The following CDH23 variants were observed in gnomAD, a reference collection of about 807,000 sequenced individuals.
CDH23 encodes cadherin-23.
Under a neutral mutation model 317.1 loss-of-function variants are expected in CDH23, and 189 were observed. That is an observed-to-expected ratio of 0.60 (90% CI 0.53 to 0.67). The LOEUF (loss-of-function observed/expected upper bound fraction) is 0.67. Among genes scored for constraint, CDH23 ranks in the 30% least tolerant of loss-of-function variants. The pLI, the probability that CDH23 is intolerant of heterozygous loss-of-function variation, is 0.00. For missense variants in CDH23, 4,401 were observed against 4,592.4 expected (o/e 0.96, Z 1.20); for synonymous variants, 1,839 against 1,876.8 (o/e 0.98, Z 0.52).
chr10:71,446,480 G>A (rs1372425104), intron 3 of CDH23, 85 bp downstream of exon 3: 23 of 1,344,530 alleles, frequency 1.7e-5, no homozygotes, highest in Non-Finnish European at 2.4e-5. Context: ...TACAGGTTGA[G>A]GTCATCTTCC....
chr10:71,730,683 C>T (rs906162544), intron 31 of CDH23, 79 bp downstream of exon 31: 13 of 1,573,812 alleles, frequency 8.3e-6, no homozygotes, highest in Middle Eastern at 2.0e-4. Context: ...TCCTTCGAAA[C>T]GGTCATCCCT....
At chr10:71,578,016 C>T in intron 9 of CDH23, 24 bp downstream of exon 9, 1 of 1,568,328 alleles carries the variant, frequency 6.4e-7, no homozygotes, top group Non-Finnish European at 8.7e-7. Context: ...CTGCCCCTCT[C>T]TCCTCTCACC....
chr10:71,703,630 T>C (rs1865672809), intron 24 of CDH23, among the ~76,000 whole-genome samples: 1 of 152,108 alleles, frequency 6.6e-6, no homozygotes, highest in South Asian at 2.1e-4. Context: ...TAGAAGAAGA[T>C]GGGGTTGTTT....
At chr10:71,744,791 T>C (rs1009905764) in intron 38 of CDH23, among the ~76,000 whole-genome samples, 10 of 152,168 alleles carry the variant, frequency 6.6e-5, no homozygotes, top group Non-Finnish European at 1.5e-4. Flanking sequence ...AGGCCATCCA[T>C]CTCCAGGGGA....
intron 6 of CDH23, among the ~76,000 whole-genome samples, chr10:71,552,687 G>A (rs981228823): frequency 2.0e-5 from 3 of 152,178 alleles, no homozygotes; most frequent in Non-Finnish European, 4.4e-5. Context: ...AAGGGAGTGC[G>A]GAGTGATGTG....
At chr10:71,557,087 C>A (rs1385175297) in intron 6 of CDH23, among the ~76,000 whole-genome samples, 4 of 152,214 alleles carry the variant, frequency 2.6e-5, no homozygotes, top group African/African-American at 4.8e-5. Flanking sequence ...TCTTAACATT[C>A]ACTATCCATC....
chr10:71,807,985 T>C lies in CDH23; in HGVS notation c.8700T>C (p.Asp2900=). Residue 2900 remains aspartate, a synonymous_variant, in exon 60 of 70, where the codon GAT becomes GAC. Coordinates refer to ENST00000224721, the MANE Select transcript of CDH23 (RefSeq NM_022124.6). ...GGGCCCTTGCCAACGACTCTGAAGA[T>C]GTGGGCCAGGTCTTCACCATGGGTA... ...YFRALANDSE[D]VGQVFTMGSM... The C allele has an allele frequency of 6.3e-7, 1 of 1,593,404 alleles. No individual in the cohort carries two copies. Among genetic ancestry groups the C allele is most frequent in the Non-Finnish European group, 8.6e-7 (1 of 1,169,456 alleles).
At chr10:71,546,196 C>T (rs1856269865) in intron 6 of CDH23, among the ~76,000 whole-genome samples, 2 of 152,158 alleles carry the variant, frequency 1.3e-5, no homozygotes, top group African/African-American at 4.8e-5. Flanking sequence ...TGGTCATGGT[C>T]TCCTTACCAA....
At chr10:71,520,091 A>T (rs1854581025) in intron 6 of CDH23, among the ~76,000 whole-genome samples, 1 of 152,196 alleles carries the variant, frequency 6.6e-6, no homozygotes, top group East Asian at 1.9e-4. Flanking sequence ...CACAGGCATG[A>T]GCCCTCTCGC....
Position 71,805,893 on chromosome 10 carries a change from A to G in CDH23, c.7960A>G (p.Lys2654Glu). The change falls in exon 56 of 70, where the codon AAG becomes GAG. Residue 2654 changes from lysine to glutamate, a missense_variant. By Grantham distance (56) the Lys-to-Glu change is moderately conservative (BLOSUM62 1). Transcript: ENST00000224721. ...LNGAVRYSFLKTAGNRDWEFF... is the reference protein window; with the variant it reads ...LNGAVRYSFLETAGNRDWEFF... ...CGGGGCGGTGCGCTACAGCTTCCTG[A>G]AGACTGCGGGCAACCGGGACTGGGA... 6.2e-7 allele frequency: 1 copy of G among 1,613,786 alleles called. No individual in the cohort carries two copies. The highest frequency in any genetic ancestry group is 1.1e-5 in the South Asian group (1 of 91,006).
intron 14 of CDH23, among the ~76,000 whole-genome samples, chr10:71,664,773 C>T (rs1240254511): frequency 6.6e-6 from 1 of 152,150 alleles, no homozygotes; most frequent in Non-Finnish European, 1.5e-5. Context: ...GCAGATATTA[C>T]TGTGATTACT....
In CDH23 at chr10:71,805,842, GC is replaced by G; in HGVS notation, c.7911del (p.Thr2638ArgfsTer16). The G allele has an allele frequency of 1.2e-6, 2 of 1,613,750 alleles. No homozygotes were observed. Among genetic ancestry groups the G allele is most frequent in the Non-Finnish European group, 1.7e-6 (2 of 1,179,830 alleles). ...PLRSNVYEVYATDKDEGLNGA... is the reference protein window; with the variant it reads ...PLRSNVYEVYXTDKDEGLNGA... ...GCGCTCCAACGTGTACGAGGTCTAC[GC>G]CACGGACAAGGATGAGGGCCTCAAC... On this transcript the variant is annotated frameshift_variant, in exon 56 of 70. Transcript: ENST00000224721. LOFTEE classifies it high-confidence loss of function.
rs531431951 is a variant in CDH23 at position 71,473,215 on chromosome 10, G to A, written c.145+26820G>A. Among the ~76,000 whole-genome samples the A allele has an allele frequency of 3.7e-4, 56 of 152,356 alleles. 2 individuals carry two copies. The South Asian group carries it at 0.01, about 28-fold the overall frequency. On this transcript the variant is annotated intron_variant, in intron 3 of 69. Coordinates refer to ENST00000224721, the MANE Select transcript of CDH23 (RefSeq NM_022124.6). ...CTCCCGGAGTCTTCCCTACTGGAGA[G>A]GCGGTGTTCTGGAATACAGAGCCTG...
chr10:71,644,024 G>C (rs1427145356), intron 12 of CDH23, among the ~76,000 whole-genome samples, 158 bp downstream of exon 12: 1 of 152,244 alleles, frequency 6.6e-6, no homozygotes, highest in Admixed American at 6.5e-5. Flanking sequence ...GGAAGGAGAG[G>C]AGTTGGTGTC....
chr10:71,647,096 C>T, intron 14 of CDH23: 7 of 985,028 alleles, frequency 7.1e-6, no homozygotes, highest in Non-Finnish European at 8.4e-6. Context: ...TCTGTCAGTA[C>T]TCTTGGTTGC....
chr10:71,400,141 A>G (rs1237074087), intron 1 of CDH23, among the ~76,000 whole-genome samples: 1 of 152,204 alleles, frequency 6.6e-6, no homozygotes, highest in Non-Finnish European at 1.5e-5. Context: ...CTCTAGCTTC[A>G]AGATACAGGG....
intron 25 of CDH23, 26 bp from the exon 26 acceptor site, chr10:71,706,871 G>C: frequency 6.4e-7 from 1 of 1,572,554 alleles, no homozygotes; most frequent in East Asian, 2.3e-5. Context: ...GCCAGGCCTA[G>C]CCCCGGCGCC....
chr10:71,579,897 C>T (rs943455374), intron 9 of CDH23, among the ~76,000 whole-genome samples: 5 of 152,098 alleles, frequency 3.3e-5, no homozygotes, highest in Non-Finnish European at 5.9e-5. Flanking sequence ...CAGGACAGAG[C>T]GGCAGCAGGA....
rs186990940 is a variant in CDH23, at chr10:71,730,596, G to A, written c.3707G>A (p.Arg1236Gln). 90 of 1,613,832 alleles carry A rather than the reference G, an allele frequency of 5.6e-5. No homozygotes were observed. In the Admixed American group the frequency reaches 1.0e-3, roughly 19 times the overall value. Residue 1236 changes from arginine to glutamine, a missense_variant, in exon 31 of 70, where the codon CGA becomes CAA. By Grantham distance (43) the Arg-to-Gln change is conservative. Transcript: ENST00000224721. ...GTCATCGTGGTCCAAGCCACAGACC[G>A]AGACTCTGGTGAGGCTGGCAGGAGG... The part of the protein sequence containing the change: ...TSVIVVQATD[R>Q]DSGDGGLVNY...
Sources: gnomAD v4.1 joint callset for allele counts (sites outside exome capture counted in the v4.1 genomes callset) on GRCh38, gnomAD v4.1.1 for gene constraint, MANE v1.5 for transcripts, NCBI Gene and HGNC (gene_info 2026-07-23, HGNC 2026-07-21) for gene names.